GFI1B: variants seen among roughly 807,000 people sequenced by gnomAD.
The protein encoded by GFI1B is growth factor independent 1B transcriptional repressor, also known as zinc finger protein Gfi-1b.
In GFI1B, 20 loss-of-function variants were observed where a neutral mutation model predicts 35.3. That is an observed-to-expected ratio of 0.57 (90% CI 0.40 to 0.82). The LOEUF is 0.82. Among genes scored for constraint, GFI1B ranks in the 40% least tolerant of loss-of-function variants. The pLI, the probability that GFI1B is intolerant of heterozygous loss-of-function variation, is 0.00. For missense variants in GFI1B, 430 were observed against 446.3 expected (o/e 0.96, Z 0.33); for synonymous variants, 178 against 177.6 (o/e 1.00, Z -0.02).
chr9:132,985,015 C>T (rs939044739), intron 1 of GFI1B, among the ~76,000 whole-genome samples: 3 of 152,008 alleles, frequency 2.0e-5, no homozygotes, highest in African/African-American at 7.2e-5. Context: ...ATCCCTCTCC[C>T]GCCTTCTCCG....
downstream of GFI1B, among the ~76,000 whole-genome samples, chr9:132,993,415 A>G (rs1041425732): frequency 1.3e-5 from 2 of 152,160 alleles, no homozygotes; most frequent in African/African-American, 4.8e-5. Flanking sequence ...GGATGCCAAG[A>G]GTAGACCAGA....
intron 1 of GFI1B, among the ~76,000 whole-genome samples, chr9:132,954,292 C>T (rs547772629): frequency 6.6e-6 from 1 of 152,062 alleles, no homozygotes; most frequent in African/African-American, 2.4e-5. Flanking sequence ...AAGGTTTTAC[C>T]AGCAGGGTGC....
chr9:132,949,711 G>T (rs1444939180), intron 1 of GFI1B: 1 of 152,708 alleles, frequency 6.5e-6, no homozygotes, highest in Non-Finnish European at 1.5e-5. Context: ...CCTTGCTGAG[G>T]AAGCCGGCAT....
intron 1 of GFI1B, among the ~76,000 whole-genome samples, chr9:132,962,231 G>C (rs897879210): frequency 6.7e-6 from 1 of 148,798 alleles, no homozygotes; most frequent in Non-Finnish European, 1.5e-5. Context: ...TCCACCTCCT[G>C]AGTTCAAGCA....
chr9:132,989,001 C>T lies in GFI1B; in HGVS notation c.511-60C>T. The T allele has an allele frequency of 1.3e-6, 2 of 1,556,168 alleles. No homozygotes were observed. Among genetic ancestry groups the T allele is most frequent in the South Asian group, 1.1e-5 (1 of 89,586 alleles). On this transcript the variant is annotated intron_variant, in intron 4 of 6. Transcript: ENST00000372122. This position sits in a 1 kb window ranked among gnomAD's most constrained non-coding sequence, Gnocchi z 6.2. ...CTGGGCATGGAAGAGACCATGGGAC[C>T]CCAGGCCTGTCCCTGTCACCGCAGC... is the stretch of plus-strand genomic sequence containing the variant.
At position 132,989,022 on chromosome 9, in the gene GFI1B, G is replaced by T; in HGVS notation, c.511-39G>T. On this transcript the variant is annotated intron_variant, in intron 4 of 6. Coordinates refer to ENST00000372122, the MANE Select transcript of GFI1B (RefSeq NM_001377304.1). This position sits in a 1 kb window ranked among gnomAD's most constrained non-coding sequence, Gnocchi z 6.2. ...GGACCCCAGGCCTGTCCCTGTCACC[G>T]CAGCCCCCAGTGGCCTCACATGCTG... The T allele has an allele frequency of 6.2e-7, 1 of 1,607,724 alleles. No individual in the cohort carries two copies. The highest frequency in any genetic ancestry group is 1.1e-5 in the South Asian group (1 of 90,842).
intron 1 of GFI1B, among the ~76,000 whole-genome samples, chr9:132,984,497 C>T (rs935098403): frequency 6.6e-6 from 1 of 152,156 alleles, no homozygotes; most frequent in Non-Finnish European, 1.5e-5. Flanking sequence ...TCAGAGAGTA[C>T]AGGGCCTTGA....
intron 1 of GFI1B, among the ~76,000 whole-genome samples, chr9:132,947,412 C>CAAAAAAAAAAA (rs35035214): frequency 4.2e-5 from 4 of 95,992 alleles, no homozygotes; most frequent in East Asian, 5.0e-4. Context: ...TTTAATCGAG[C>CAAAAAAAAAAA]AAAAAAAAAA....
intron 1 of GFI1B, among the ~76,000 whole-genome samples, chr9:132,971,160 G>A (rs1007444905): frequency 4.6e-5 from 7 of 152,164 alleles, no homozygotes; most frequent in South Asian, 4.1e-4. Flanking sequence ...CACTGCGCCC[G>A]GCCCAGATGG....
chr9:132,962,943 G>T (rs939555642), intron 1 of GFI1B, among the ~76,000 whole-genome samples: 1 of 147,630 alleles, frequency 6.8e-6, no homozygotes, highest in Admixed American at 6.8e-5. Flanking sequence ...ATAGCCAGGC[G>T]TGGTGGCACC....
chr9:132,993,254 G>A (rs638689), downstream of GFI1B, among the ~76,000 whole-genome samples: 28,607 of 152,046 alleles, frequency 0.19, 3,135 homozygotes, highest in African/African-American at 0.3. Context: ...AGATGTTGTC[G>A]TTGCACTCCA....
Position 132,991,080 on chromosome 9 carries a change from C to T in GFI1B, c.*30C>T, listed in dbSNP as rs368203201. 6.2e-7 allele frequency: 1 copy of T among 1,603,900 alleles called. No individual in the cohort carries two copies. Among genetic ancestry groups the T allele is most frequent in the South Asian group, 1.1e-5 (1 of 90,908 alleles). The stretch of plus-strand genomic sequence containing the variant: ...GCGCCGGCTCCCAGCTCCTGGCCAG[C>T]CTGCCCTGCGGTCCTGTCACCTGGA... On this transcript the variant is annotated 3_prime_UTR_variant, in exon 7 of 7. Coordinates refer to ENST00000372122, the MANE Select transcript of GFI1B (RefSeq NM_001377304.1).
At chr9:132,954,976 C>A (rs1312956725) in intron 1 of GFI1B, among the ~76,000 whole-genome samples, 1 of 152,126 alleles carries the variant, frequency 6.6e-6, no homozygotes, top group Non-Finnish European at 1.5e-5. Context: ...CTTGGCCTCC[C>A]AAACTGCTGG....
At chr9:132,979,330 C>T (rs896280978) in intron 1 of GFI1B, among the ~76,000 whole-genome samples, 5 of 148,298 alleles carry the variant, frequency 3.4e-5, no homozygotes, top group Non-Finnish European at 5.9e-5. Context: ...ACCTCTGCCT[C>T]CCGAATTCAA....
intron 1 of GFI1B, among the ~76,000 whole-genome samples, chr9:132,968,206 C>G (rs1412648121): frequency 1.3e-5 from 2 of 151,952 alleles, no homozygotes; most frequent in African/African-American, 2.4e-5. Flanking sequence ...CCTCTATCTC[C>G]CAGGATCAAG....
chr9:132,988,119 T>C lies in GFI1B; in HGVS notation c.239-78T>C, dbSNP rs1332929612. ...CCTCAGCCTCCCAAAGTGCTGGAATTGCAGGCATGAGCCACGCCACTGTGC... is the reference window on the plus strand; with the variant it reads ...CCTCAGCCTCCCAAAGTGCTGGAATCGCAGGCATGAGCCACGCCACTGTGC... On this transcript the variant is annotated intron_variant, in intron 3 of 6. Coordinates refer to ENST00000372122, the MANE Select transcript of GFI1B (RefSeq NM_001377304.1). 8 of 1,361,870 alleles carry C rather than the reference T, an allele frequency of 5.9e-6. No homozygotes were observed. The African/African-American group carries it at 7.1e-5, about 12-fold the overall frequency. 84.4% of individuals were successfully genotyped at this position (1,361,870 alleles called of 1,614,324 possible).
intron 1 of GFI1B, among the ~76,000 whole-genome samples, chr9:132,948,149 C>T (rs1197759982): frequency 6.6e-6 from 1 of 152,028 alleles, no homozygotes; most frequent in East Asian, 1.9e-4. Flanking sequence ...GGACCTGTGA[C>T]TTGAGCTGGA....
In GFI1B at chr9:132,989,979, GC is replaced by G. The variant is rs1478329530; in HGVS notation, c.814+77del. 1.5e-6 allele frequency: 2 copies of G among 1,369,968 alleles called. No homozygotes were observed. The highest frequency in any genetic ancestry group is 1.4e-5 in the African/African-American group (1 of 69,852). 84.9% of individuals were successfully genotyped at this position (1,369,968 alleles called of 1,614,324 possible). On this transcript the variant is annotated intron_variant, in intron 6 of 6. Transcript: ENST00000372122. This position sits in a 1 kb window ranked among gnomAD's most constrained non-coding sequence, Gnocchi z 6.2. ...CCTTTCCCTGAGAGATGCATCAGAGGCCCCCAGCGTGAGGCTGGGGGCGGGG... is the reference window on the plus strand; with the variant it reads ...CCTTTCCCTGAGAGATGCATCAGAGGCCCCAGCGTGAGGCTGGGGGCGGGG...
intron 1 of GFI1B, among the ~76,000 whole-genome samples, chr9:132,949,268 T>TACACACACACACACACACAC (rs36015720): frequency 7.3e-6 from 1 of 137,588 alleles, no homozygotes; most frequent in Admixed American, 7.2e-5. Context: ...AACCCACAGA[T>TACACACACACACACACACAC]ACACACACAC....
Sources: allele counts gnomAD v4.1 joint callset (sites outside exome capture counted in the v4.1 genomes callset), GRCh38; gene constraint gnomAD v4.1.1; non-coding constraint Gnocchi (gnomAD v3.1); transcripts MANE v1.5; gene names NCBI Gene and HGNC (gene_info 2026-07-23, HGNC 2026-07-21).